The following CACNA1C variants were observed in gnomAD, a reference collection of about 807,000 sequenced individuals.
CACNA1C encodes calcium voltage-gated channel subunit alpha1 C.
CACNA1C carries 30 observed loss-of-function variants against 229.0 expected under a neutral mutation model. The observed-to-expected ratio is 0.13, with a 90% confidence interval of 0.10 to 0.18. The LOEUF (loss-of-function observed/expected upper bound fraction) is 0.18, where lower values mean the gene tolerates loss of function less well. Ranked by LOEUF, CACNA1C falls within the 10% of genes least tolerant of loss-of-function variation. The pLI is 1.00. For missense variants in CACNA1C, 1,658 were observed against 2,845.0 expected, an observed-to-expected ratio of 0.58 and a Z score of 9.49; for synonymous variants, 1,114 against 1,132.5, an observed-to-expected ratio of 0.98 and a Z score of 0.33.
chr12:2,153,652 G>A lies in CACNA1C; in HGVS notation c.477+33222G>A, dbSNP rs559421315. 7.9e-5 allele frequency among the ~76,000 whole-genome samples: 12 copies of A among 152,304 alleles called. No individual in the cohort carries two copies. In the South Asian group the frequency reaches 1.9e-3, roughly 24 times the overall value. On this transcript the variant is annotated intron_variant, in intron 3 of 46. Coordinates refer to ENST00000399655, the MANE Select transcript of CACNA1C (RefSeq NM_000719.7). ...CCTTGCTGGTAGGAAGGACAGGGCC[G>A]TGTTGACAGGGACCATGAGGCCTCC...
intron 3 of CACNA1C, among the ~76,000 whole-genome samples, chr12:2,207,319 G>A (rs985640081): frequency 2.0e-5 from 3 of 152,242 alleles, no homozygotes; most frequent in Middle Eastern, 3.4e-3. Flanking sequence ...GTCAGCTGAC[G>A]GGCTTCTGCA....
intron 37 of CACNA1C, among the ~76,000 whole-genome samples, chr12:2,668,315 C>T (rs2096346940): frequency 6.6e-6 from 1 of 152,118 alleles, no homozygotes; most frequent in Non-Finnish European, 1.5e-5. Context: ...AATTTCATAC[C>T]TCTCCCACTC....
At chr12:2,669,163 G>A in intron 38 of CACNA1C, 128 bp downstream of exon 38, 1 of 722,630 alleles carries the variant, frequency 1.4e-6, no homozygotes, top group Middle Eastern at 2.4e-4. Context: ...CTGGGATACG[G>A]GGGTAACGTG....
intron 1 of CACNA1C, among the ~76,000 whole-genome samples, chr12:2,089,223 C>T (rs543489202): frequency 9.8e-5 from 15 of 152,286 alleles, no homozygotes; most frequent in East Asian, 3.9e-4. Context: ...GGGCTTCTTC[C>T]GTAAGCCCTA....
Position 2,641,791 on chromosome 12 carries a change from G to A in CACNA1C, c.3913-6684G>A, listed in dbSNP as rs765700507. On this transcript the variant is annotated intron_variant, in intron 30 of 46. Transcript: ENST00000399655. ...CTTTAGCAACGTGACCCCTGAGTGG[G>A]GAGATTACTTTTGTGAGGTCCCTCC... 3 of 702,286 alleles carry A rather than the reference G, an allele frequency of 4.3e-6. No individual in the cohort carries two copies. In the South Asian group the frequency reaches 4.4e-5, roughly 10 times the overall value. 43.5% of individuals were successfully genotyped at this position (702,286 alleles called of 1,614,324 possible).
At chr12:2,667,445 A>G (rs1006301606) in intron 37 of CACNA1C, among the ~76,000 whole-genome samples, 1 of 152,202 alleles carries the variant, frequency 6.6e-6, no homozygotes, top group African/African-American at 2.4e-5. Flanking sequence ...ACTCATGGAA[A>G]ACGCAGATTG....
chr12:2,478,607 T>C (rs1208148872), intron 5 of CACNA1C, among the ~76,000 whole-genome samples: 1 of 152,236 alleles, frequency 6.6e-6, no homozygotes, highest in Non-Finnish European at 1.5e-5. Flanking sequence ...GGCCTGATGT[T>C]GTTCTGGGCA....
chr12:1,996,653 A>AC (rs1238368342), intron 1 of CACNA1C, among the ~76,000 whole-genome samples: 1 of 36,670 alleles, frequency 2.7e-5, no homozygotes, highest in Non-Finnish European at 5.1e-5. Context: ...AAAAAAAAAA[A>AC]AACAACAAAC....
chr12:2,115,784 CTGGGT>C (rs2083586088), intron 2 of CACNA1C, among the ~76,000 whole-genome samples: 1 of 152,234 alleles, frequency 6.6e-6, no homozygotes, highest in South Asian at 2.1e-4. Context: ...AATAAGCTGC[CTGGGT>C]TGGGTTTTTG....
At chr12:2,480,445 T>A (rs2099671200) in intron 5 of CACNA1C, among the ~76,000 whole-genome samples, 2 of 152,228 alleles carry the variant, frequency 1.3e-5, no homozygotes. Flanking sequence ...TATACATCAG[T>A]TGCATGATTA....
At chr12:2,005,853 C>A (rs2043315452) in intron 1 of CACNA1C, among the ~76,000 whole-genome samples, 1 of 152,156 alleles carries the variant, frequency 6.6e-6, no homozygotes, top group Admixed American at 6.5e-5. Context: ...TAGTACATTG[C>A]AGCTAAGCTT....
At chr12:2,366,681 G>A (rs2097728074) in intron 3 of CACNA1C, among the ~76,000 whole-genome samples, 1 of 152,112 alleles carries the variant, frequency 6.6e-6, no homozygotes, top group South Asian at 2.1e-4. Flanking sequence ...AACCTTTTTG[G>A]CAGCAGGGAC....
In CACNA1C at chr12:2,285,192, T is replaced by A. The variant is rs1387467289; in HGVS notation, c.478-163784T>A. On this transcript the variant is annotated intron_variant, in intron 3 of 46. Coordinates refer to ENST00000399655, the MANE Select transcript of CACNA1C (RefSeq NM_000719.7). This position sits in a 1 kb window ranked among gnomAD's most constrained non-coding sequence, Gnocchi z 4.2. ...TGCGTGTTACCTAGCAGGAATTTCC[T>A]CTTCCTTGGGTCAAGCGGGTGGGAA... Among the ~76,000 whole-genome samples, 2 of 152,204 alleles carry A rather than the reference T, an allele frequency of 1.3e-5. No individual in the cohort carries two copies. Among genetic ancestry groups the A allele is most frequent in the Admixed American group, 6.5e-5 (1 of 15,290 alleles).
Position 2,556,379 on chromosome 12 carries a change from C to T in CACNA1C, c.1482-572C>T, listed in dbSNP as rs1366032437. 7.3e-4 allele frequency among the ~76,000 whole-genome samples: 111 copies of T among 152,206 alleles called. 1 individual carries two copies. Among genetic ancestry groups the T allele is most frequent in the Non-Finnish European group, 7.3e-5 (5 of 68,038 alleles). ...AGAGGTCCCCAGGTCTTCAGGGCTG[C>T]GTGTGACCGTCAGCATCCTGGGTTT... On this transcript the variant is annotated intron_variant, in intron 10 of 46. Transcript: ENST00000399655.
At chr12:2,402,525 C>A (rs2098691558) in intron 3 of CACNA1C, among the ~76,000 whole-genome samples, 1 of 152,228 alleles carries the variant, frequency 6.6e-6, no homozygotes, top group East Asian at 1.9e-4. Flanking sequence ...CCACTTGCTG[C>A]TGTGTGACCC....
rs1430936410 is a variant in CACNA1C at position 2,215,231 on chromosome 12, G to A, written c.477+94801G>A. ...ATCTGCTATTTGTGGGTGTTCTGTT[G>A]CATTCAGTGGGGCTTCAGTCTTCAT... On this transcript the variant is annotated intron_variant, in intron 3 of 46. Coordinates refer to ENST00000399655, the MANE Select transcript of CACNA1C (RefSeq NM_000719.7). This position sits in a 1 kb window ranked among gnomAD's most constrained non-coding sequence, Gnocchi z 5.0. 6.6e-6 allele frequency among the ~76,000 whole-genome samples: 1 copy of A among 152,206 alleles called. No individual in the cohort carries two copies. The highest frequency in any genetic ancestry group is 1.9e-4 in the East Asian group (1 of 5,186).
intron 3 of CACNA1C, among the ~76,000 whole-genome samples, chr12:2,437,133 G>A (rs1032431326): frequency 2.0e-5 from 3 of 152,272 alleles, no homozygotes; most frequent in Non-Finnish European, 2.9e-5. Context: ...GGATGGAGAA[G>A]AGAAAAGGAA....
intron 10 of CACNA1C, among the ~76,000 whole-genome samples, chr12:2,554,592 AAGGCATCTGGGCTCCTGATGGCACCG>A (rs1234281346): frequency 2.0e-5 from 3 of 152,168 alleles, no homozygotes; most frequent in African/African-American, 4.8e-5. Context: ...CCATGGCACC[AAGGCATCTGGGCTCCTGATGGCACCG>A]AGGCACCCGG....
chr12:2,505,058 C>T, intron 8 of CACNA1C, 113 bp downstream of exon 8: 1 of 668,448 alleles, frequency 1.5e-6, no homozygotes, highest in Non-Finnish European at 2.7e-6. Context: ...GATAAGGGGT[C>T]ACCACAGGAG....
Sources: allele counts gnomAD v4.1 joint callset (sites outside exome capture counted in the v4.1 genomes callset), GRCh38; gene constraint gnomAD v4.1.1; non-coding constraint Gnocchi (gnomAD v3.1); transcripts MANE v1.5; gene names NCBI Gene and HGNC (gene_info 2026-07-23, HGNC 2026-07-21).